LRGUK: variants seen among roughly 807,000 people sequenced by gnomAD.
The protein encoded by LRGUK is leucine rich repeats and guanylate kinase domain containing.
LRGUK carries 65 observed loss-of-function variants against 76.0 expected under a neutral mutation model. The observed-to-expected ratio is 0.85, with a 90% CI of 0.70 to 1.05. The LOEUF (loss-of-function observed/expected upper bound fraction) is 1.05. Ranked by LOEUF, LRGUK falls within the 50% of genes least tolerant of loss-of-function variation. LRGUK has a pLI of 0.00. For missense variants in LRGUK, 758 were observed against 732.8 expected (o/e 1.03, Z -0.40); for synonymous variants, 268 against 265.6 (o/e 1.01, Z -0.09).
intron 1 of LRGUK, among the ~76,000 whole-genome samples, chr7:134,133,212 G>A (rs541116048): frequency 8.3e-4 from 127 of 152,246 alleles, no homozygotes; most frequent in Middle Eastern, 3.4e-3. Flanking sequence ...AACCTTCATC[G>A]TTCTCTCAAT....
intron 10 of LRGUK, among the ~76,000 whole-genome samples, chr7:134,178,973 G>C (rs1207296401): frequency 7.2e-5 from 8 of 110,822 alleles, no homozygotes; most frequent in Non-Finnish European, 1.4e-4. Flanking sequence ...TCTGCCTTAG[G>C]AGAGAAACAC....
intron 12 of LRGUK, among the ~76,000 whole-genome samples, chr7:134,193,219 A>C (rs897031708): frequency 6.6e-6 from 1 of 152,270 alleles, no homozygotes; most frequent in African/African-American, 2.4e-5. Context: ...ATATTTTGGC[A>C]GTTCAGTTTA....
In LRGUK at chr7:134,190,655, G is replaced by T. The variant is rs955024232; in HGVS notation, c.1335-1000G>T. On this transcript the variant is annotated intron_variant, in intron 11 of 15. Transcript: ENST00000645682. ...TAGGACCAACACTGGCCTGCTGTGT[G>T]ACCTTAGAGGAGTTATTTTTGTAGT... Among the ~76,000 whole-genome samples the T allele has an allele frequency of 2.0e-5, 3 of 152,220 alleles. No homozygotes were observed. In the East Asian group the frequency reaches 5.8e-4, roughly 29 times the overall value.
At chr7:134,203,558 A>T (rs1440326047) in intron 15 of LRGUK, among the ~76,000 whole-genome samples, 1 of 152,204 alleles carries the variant, frequency 6.6e-6, no homozygotes, top group Non-Finnish European at 1.5e-5. Context: ...AAAAATCAAC[A>T]GATAATGGCT....
chr7:134,148,911 T>C (rs1798090218), intron 5 of LRGUK, among the ~76,000 whole-genome samples: 1 of 149,634 alleles, frequency 6.7e-6, no homozygotes, highest in Non-Finnish European at 1.5e-5. Flanking sequence ...TGAGACTCTG[T>C]CTCAAAAAAA....
At chr7:134,202,414 T>C (rs1197807963) in intron 15 of LRGUK, among the ~76,000 whole-genome samples, 1 of 152,150 alleles carries the variant, frequency 6.6e-6, no homozygotes, top group Non-Finnish European at 1.5e-5. Flanking sequence ...GTATTGCTCC[T>C]GTGGGAAACA....
intron 1 of LRGUK, among the ~76,000 whole-genome samples, chr7:134,128,049 C>T (rs755931848): frequency 5.9e-5 from 9 of 151,606 alleles, no homozygotes; most frequent in Non-Finnish European, 7.4e-5. Context: ...ACCTGTTGCC[C>T]ATGGCTATGA....
intron 1 of LRGUK, among the ~76,000 whole-genome samples, chr7:134,130,445 A>G (rs768603201): frequency 6.6e-6 from 1 of 152,188 alleles, no homozygotes; most frequent in Non-Finnish European, 1.5e-5. Context: ...AGAACTAGCT[A>G]TTCCTTTTTG....
chr7:134,253,323 T>C (rs1487278047), intron 18 of LRGUK, among the ~76,000 whole-genome samples: 4 of 151,984 alleles, frequency 2.6e-5, no homozygotes, highest in African/African-American at 9.7e-5. Context: ...GTTGAGGAGG[T>C]AGAGGTGGAG....
chr7:134,196,374 A>G (rs1414912389), intron 12 of LRGUK, among the ~76,000 whole-genome samples: 5 of 151,744 alleles, frequency 3.3e-5, no homozygotes, highest in Admixed American at 3.3e-4. Context: ...CAGAGGCATC[A>G]TTTATAGTTC....
exon 16 of LRGUK, chr7:134,210,116 A>G: frequency 2.5e-6 from 1 of 399,462 alleles, no homozygotes; most frequent in East Asian, 3.6e-5. Context: ...AGGGACGGCT[A>G]GAGGACTGGC....
intron 15 of LRGUK, among the ~76,000 whole-genome samples, chr7:134,208,351 T>C (rs1222648411): frequency 2.0e-5 from 3 of 152,234 alleles, no homozygotes; most frequent in Non-Finnish European, 2.9e-5. Context: ...AAAACAGCAT[T>C]GATCTCTAAG....
chr7:134,165,128 A>G (rs2116940794), intron 7 of LRGUK, among the ~76,000 whole-genome samples: 1 of 152,330 alleles, frequency 6.6e-6, no homozygotes, highest in Non-Finnish European at 1.5e-5. Context: ...AGGATTTAGG[A>G]AAAGGAGTAA....
intron 11 of LRGUK, among the ~76,000 whole-genome samples, chr7:134,189,994 G>C (rs1261470350): frequency 6.6e-6 from 1 of 152,158 alleles, no homozygotes; most frequent in East Asian, 1.9e-4. Flanking sequence ...GCCTTTCGAG[G>C]TTGGAACTTT....
At chr7:134,195,221 G>C (rs542123427) in intron 12 of LRGUK, among the ~76,000 whole-genome samples, 46 of 152,278 alleles carry the variant, frequency 3.0e-4, no homozygotes, top group Middle Eastern at 3.4e-3. Flanking sequence ...TTTAGGGAGG[G>C]TCAGAATCTT....
intron 18 of LRGUK, 50 bp downstream of exon 18, chr7:134,249,126 GTTAAAAT>G: frequency 6.7e-7 from 1 of 1,498,832 alleles, no homozygotes; most frequent in Non-Finnish European, 8.9e-7. Flanking sequence ...CTGCTGGTTA[GTTAAAAT>G]TATGGTACTC....
intron 16 of LRGUK, 65 bp downstream of exon 16, chr7:134,221,983 A>T (rs1029493723): frequency 7.3e-7 from 1 of 1,374,428 alleles, no homozygotes; most frequent in East Asian, 2.7e-5. Flanking sequence ...CAAAGAGGGG[A>T]TTTAATATTT....
In LRGUK at chr7:134,183,217, CAG is replaced by C. The variant is rs530455458; in HGVS notation, c.1215-515_1215-514del. Among the ~76,000 whole-genome samples the C allele has an allele frequency of 2.0e-3, 306 of 152,310 alleles. 2 individuals carry two copies. The highest frequency in any genetic ancestry group is 7.0e-3 in the African/African-American group (292 of 41,580). ...TTCATACGTTAAAAGGGGATAATGACAGAAACATCTTCATTAGCTTCTTGTGA... is the reference window on the plus strand; with the variant it reads ...TTCATACGTTAAAAGGGGATAATGACAAACATCTTCATTAGCTTCTTGTGA... On this transcript the variant is annotated intron_variant, in intron 10 of 15. Coordinates refer to ENST00000645682, the Ensembl canonical transcript of LRGUK.
intron 4 of LRGUK, among the ~76,000 whole-genome samples, chr7:134,146,519 T>C (rs532233102): frequency 1.3e-5 from 2 of 152,364 alleles, no homozygotes; most frequent in South Asian, 2.1e-4. Context: ...TTTCATAGTA[T>C]GCATTTTCCA....
Sources: allele counts gnomAD v4.1 joint callset (sites outside exome capture counted in the v4.1 genomes callset), GRCh38; gene constraint gnomAD v4.1.1; transcripts MANE v1.5; gene names NCBI Gene and HGNC (gene_info 2026-07-23, HGNC 2026-07-21).